CYP2B6: variants seen among roughly 807,000 people sequenced by gnomAD.
CYP2B6 encodes the protein cytochrome P450 2B6.
Under a neutral mutation model 43.4 loss-of-function variants are expected in CYP2B6, and 35 were observed. The ratio of observed to expected loss-of-function variants is 0.81; its 90% CI spans 0.62 to 1.07. The LOEUF is 1.07. Among genes scored for constraint, CYP2B6 ranks in the 50% least tolerant of loss-of-function variants. CYP2B6 has a pLI of 0.00. For missense variants in CYP2B6, 624 were observed against 632.8 expected (o/e 0.99, Z 0.15); for synonymous variants, 239 against 239.2 (o/e 1.00, Z 0.01).
intron 6 of CYP2B6, 111 bp from the exon 7 acceptor site, chr19:41,012,187 G>A (rs901159777): frequency 1.5e-5 from 15 of 988,898 alleles, no homozygotes; most frequent in Non-Finnish European, 2.2e-5. Flanking sequence ...TGACCTCAAG[G>A]AATCCACCCA....
At chr19:41,003,232 T>A (rs35658652) in intron 1 of CYP2B6, among the ~76,000 whole-genome samples, 199 of 152,174 alleles carry the variant, frequency 1.3e-3, no homozygotes, top group African/African-American at 4.6e-3. Flanking sequence ...AGATATCTTC[T>A]GAGACCCCCA....
At chr19:41,012,133 A>T (rs1969294024) in intron 6 of CYP2B6, among the ~76,000 whole-genome samples, 165 bp from the exon 7 acceptor site, 1 of 152,022 alleles carries the variant, frequency 6.6e-6, no homozygotes, top group Non-Finnish European at 1.5e-5. Flanking sequence ...TATTTTTAGG[A>T]GAGACGGGAT....
At chr19:41,003,377 G>A (rs945717793) in intron 1 of CYP2B6, among the ~76,000 whole-genome samples, 1 of 152,022 alleles carries the variant, frequency 6.6e-6, no homozygotes, top group African/African-American at 2.4e-5. Flanking sequence ...GTCCGGGGTG[G>A]GACAGAGTGG....
intron 3 of CYP2B6, 71 bp downstream of exon 3, chr19:41,004,517 A>G: frequency 6.4e-7 from 1 of 1,556,844 alleles, no homozygotes; most frequent in Non-Finnish European, 8.8e-7. Flanking sequence ...CGGGAATAGA[A>G]AGACAGAGAG....
At chr19:41,010,389 TG>T (rs1969262420) in intron 6 of CYP2B6, among the ~76,000 whole-genome samples, 2 of 151,660 alleles carry the variant, frequency 1.3e-5, no homozygotes, top group Admixed American at 6.6e-5. Context: ...TTTGTTTGTT[TG>T]TTTGTTTTTT....
chr19:41,017,199 C>G lies in CYP2B6; in HGVS notation c.*372C>G, dbSNP rs373029731. 6.2e-6 allele frequency: 1 copy of G among 162,366 alleles called. No individual in the cohort carries two copies. The highest frequency in any genetic ancestry group is 1.4e-5 in the Non-Finnish European group (1 of 73,580). 10.1% of individuals were successfully genotyped at this position (162,366 alleles called of 1,614,324 possible). A position where few individuals can be genotyped will look rare whatever the true frequency, so the allele number is the denominator to read the frequency against. ...CTGGGATTACAGGCATGCACTACCA[C>G]GCTTGGCTAATTTTTGTATTTTTAG... On this transcript the variant is annotated 3_prime_UTR_variant, in exon 9 of 9. Coordinates refer to ENST00000324071, the MANE Select transcript of CYP2B6 (RefSeq NM_000767.5).
At position 41,016,746 on chromosome 19, in the gene CYP2B6, A is replaced by T. The variant is rs3211370; in HGVS notation, c.1395A>T (p.Pro465=). The change falls in exon 9 of 9, where the codon CCA becomes CCT. Residue 465 remains proline, a synonymous_variant. Transcript: ENST00000324071. Reference sequence around the variant, plus strand: ...TCTCCATGGCCAGCCCCGTGGCCCCAGAAGACATCGATCTGACACCCCAGG... The same window carrying T: ...TCTCCATGGCCAGCCCCGTGGCCCCTGAAGACATCGATCTGACACCCCAGG... ...QNFSMASPVA[P]EDIDLTPQEC... 178 of 1,614,188 alleles carry T rather than the reference A, an allele frequency of 1.1e-4. No individual in the cohort carries two copies. The Admixed American group carries it at 1.7e-3, about 15-fold the overall frequency.
chr19:40,996,630 G>A (rs918930471), intron 1 of CYP2B6, among the ~76,000 whole-genome samples: 4 of 152,020 alleles, frequency 2.6e-5, no homozygotes, highest in Non-Finnish European at 5.9e-5. Flanking sequence ...TCTTAGAATA[G>A]TCACCTCATC....
intron 5 of CYP2B6, 160 bp downstream of exon 5, chr19:41,009,555 G>A: frequency 1.2e-6 from 1 of 801,264 alleles, no homozygotes; most frequent in Admixed American, 2.5e-5. Flanking sequence ...CATGAGGAAG[G>A]AAAGAAAGAT....
In CYP2B6 at chr19:40,992,201, C is replaced by CAAAAAAAAAAAAAAAAAAAAAAA. The variant is rs561830421; in HGVS notation, c.171+745_171+746insAAAAAAAAAAAAAAAAAAAAAAA. 7.7e-4 allele frequency among the ~76,000 whole-genome samples: 48 copies of CAAAAAAAAAAAAAAAAAAAAAAA among 62,572 alleles called. 2 individuals carry two copies. The highest frequency in any genetic ancestry group is 2.6e-3 in the African/African-American group (47 of 18,382). 41.0% of individuals were successfully genotyped at this position (62,572 alleles called of 152,430 possible). A position where few individuals can be genotyped will look rare whatever the true frequency, so the allele number is the denominator to read the frequency against. ...TGGGTGACAGAGTGAGACTCCTTCT[C>CAAAAAAAAAAAAAAAAAAAAAAA]AAAAAAAAAAAAAAAAAAAAGAATA... is the stretch of plus-strand genomic sequence containing the variant. On this transcript the variant is annotated intron_variant, in intron 1 of 8. Transcript: ENST00000324071.
rs556485800 is a variant in CYP2B6, at chr19:41,018,030, G to C, written c.*1203G>C. 1.3e-5 allele frequency: 2 copies of C among 152,030 alleles called. No homozygotes were observed. Among genetic ancestry groups the C allele is most frequent in the African/African-American group, 4.8e-5 (2 of 41,388 alleles). The allele number at this position is 152,030 out of a possible 1,614,324, so 9.4% of individuals were successfully genotyped here. A position where few individuals can be genotyped will look rare whatever the true frequency, so the allele number is the denominator to read the frequency against. On this transcript the variant is annotated 3_prime_UTR_variant, in exon 9 of 9. Transcript: ENST00000324071. ...ACCATGCCTGGCTAATTTTCTTGTAGTTTTAGTAGGGACATGTTGGCCAGG... is the reference window on the plus strand; with the variant it reads ...ACCATGCCTGGCTAATTTTCTTGTACTTTTAGTAGGGACATGTTGGCCAGG...
chr19:41,007,057 T>C lies in CYP2B6; in HGVS notation c.637T>C (p.Phe213Leu), dbSNP rs371424910. The change falls in exon 4 of 9, where the codon TTC (phenylalanine) becomes CTC (leucine). Residue 213 changes from phenylalanine (F) to leucine (L), a missense_variant. Physicochemically the swap from Phe to Leu is conservative, Grantham distance 22. Coordinates refer to ENST00000324071, the MANE Select transcript of CYP2B6 (RefSeq NM_000767.5). The stretch of plus-strand genomic sequence containing the variant: ...GACTTTTTCACTCATCAGCTCTGTA[T>C]TCGGCCAGGTCAGGGAGACGGAGAG... ...YQTFSLISSV[F>L]GQLFELFSGF... is the part of the protein sequence containing the mutation. The C allele has an allele frequency of 1.8e-5, 29 of 1,613,978 alleles. 1 individual carries two copies. Among genetic ancestry groups the C allele is most frequent in the Middle Eastern group, 1.6e-4 (1 of 6,084 alleles).
At chr19:41,012,870 A>G in intron 8 of CYP2B6, 55 bp downstream of exon 8, 1 of 1,593,008 alleles carries the variant, frequency 6.3e-7, no homozygotes, top group Non-Finnish European at 8.6e-7. Context: ...TACTATCCCC[A>G]ACTTGAGAAA....
intron 4 of CYP2B6, 72 bp from the exon 5 acceptor site, chr19:41,009,147 C>T: frequency 3.8e-6 from 5 of 1,318,190 alleles, no homozygotes; most frequent in East Asian, 2.3e-5. Context: ...GATTGGGGCC[C>T]AGGAGGCGCT....
At chr19:41,011,991 C>A (rs1189402836) in intron 6 of CYP2B6, among the ~76,000 whole-genome samples, 1 of 152,064 alleles carries the variant, frequency 6.6e-6, no homozygotes, top group African/African-American at 2.4e-5. Context: ...CTCTGTCACC[C>A]AGTCTAGAGT....
intron 1 of CYP2B6, among the ~76,000 whole-genome samples, chr19:40,995,105 A>G (rs1037533915): frequency 3.3e-5 from 5 of 152,136 alleles, no homozygotes; most frequent in African/African-American, 9.7e-5. Flanking sequence ...AGTCCTATGG[A>G]TTTTCTTGTA....
intron 1 of CYP2B6, among the ~76,000 whole-genome samples, chr19:41,003,096 A>G (rs1211851222): frequency 1.3e-5 from 2 of 152,054 alleles, no homozygotes; most frequent in Admixed American, 6.6e-5. Context: ...ACACATACAC[A>G]TTTTTGCTGG....
intron 8 of CYP2B6, among the ~76,000 whole-genome samples, chr19:41,013,798 T>A (rs561696274): frequency 1.3e-5 from 2 of 152,170 alleles, no homozygotes; most frequent in African/African-American, 2.4e-5. Context: ...AATTCATGAA[T>A]TGGGCAGCAC....
At chr19:41,010,935 C>T (rs1969274046) in intron 6 of CYP2B6, among the ~76,000 whole-genome samples, 2 of 152,124 alleles carry the variant, frequency 1.3e-5, no homozygotes, top group African/African-American at 4.8e-5. Flanking sequence ...GATCCATCCA[C>T]TTATCATTTC....
Sources: allele counts gnomAD v4.1 joint callset (sites outside exome capture counted in the v4.1 genomes callset), GRCh38; gene constraint gnomAD v4.1.1; transcripts MANE v1.5; gene names NCBI Gene and HGNC (gene_info 2026-07-23, HGNC 2026-07-21).